NREP: variants seen among roughly 807,000 people sequenced by gnomAD.
NREP encodes the protein neuronal regeneration related protein.
In NREP, 5 loss-of-function variants were observed where a neutral mutation model predicts 8.6. The observed-to-expected ratio is 0.58, with a 90% CI of 0.30 to 1.22. The LOEUF is 1.22. Among genes scored for constraint, NREP ranks in the 50% most tolerant of loss-of-function variants. NREP has a pLI of 0.07. For synonymous variants in NREP, 27 were observed against 28.0 expected (o/e 0.96, Z 0.11); for missense variants, 86 against 82.5 (o/e 1.04, Z -0.17).
At chr5:111,887,186 G>T (rs1183395800) in intron 2 of NREP, among the ~76,000 whole-genome samples, 3 of 151,960 alleles carry the variant, frequency 2.0e-5, no homozygotes, top group African/African-American at 7.3e-5. Flanking sequence ...GGTCTCCCAA[G>T]GTGCTGAGAT....
chr5:111,874,285 T>G (rs1384475274), intron 2 of NREP, among the ~76,000 whole-genome samples: 2 of 152,196 alleles, frequency 1.3e-5, no homozygotes, highest in African/African-American at 4.8e-5. Context: ...GTGTGCTCTA[T>G]GGTAAAACTA....
intron 2 of NREP, among the ~76,000 whole-genome samples, chr5:111,793,339 A>G (rs1751795522): frequency 6.6e-6 from 1 of 152,098 alleles, no homozygotes; most frequent in Non-Finnish European, 1.5e-5. Flanking sequence ...TAGCAGTGTA[A>G]TTTAGTATGA....
chr5:111,847,825 TTTTA>T (rs1269807106), intron 2 of NREP, among the ~76,000 whole-genome samples: 2 of 152,162 alleles, frequency 1.3e-5, no homozygotes, highest in East Asian at 3.8e-4. Context: ...AATTCAAAGT[TTTTA>T]TTCATATCCA....
Position 111,730,621 on chromosome 5 carries a change from G to A in NREP, c.*300C>T, listed in dbSNP as rs1241780033. 4.8e-5 allele frequency: 11 copies of A among 228,774 alleles called. No individual in the cohort carries two copies. Among genetic ancestry groups the A allele is most frequent in the Non-Finnish European group, 6.8e-5 (8 of 117,218 alleles). 14.2% of individuals were successfully genotyped at this position (228,774 alleles called of 1,614,324 possible). A position where few individuals can be genotyped will look rare whatever the true frequency, so the allele number is the denominator to read the frequency against. On this transcript the variant is annotated 3_prime_UTR_variant, in exon 4 of 4. Coordinates refer to ENST00000257435, the MANE Select transcript of NREP (RefSeq NM_004772.4). ...GCAGGAGTGGACCGGTTGTGTGAGC[G>A]CGGTGGGAGTTTGAGTTGTGGAAGA...
intron 2 of NREP, among the ~76,000 whole-genome samples, chr5:111,948,256 T>G (rs573443704): frequency 6.6e-6 from 1 of 152,090 alleles, no homozygotes; most frequent in Non-Finnish European, 1.5e-5. Flanking sequence ...TTTTGGACAG[T>G]TTTGTATTTT....
chr5:111,953,490 T>C (rs1221093642), intron 2 of NREP, among the ~76,000 whole-genome samples: 1 of 152,158 alleles, frequency 6.6e-6, no homozygotes, highest in African/African-American at 2.4e-5. Context: ...ACCAAAAACT[T>C]CTTTCCAACT....
intron 2 of NREP, among the ~76,000 whole-genome samples, chr5:111,915,990 A>G (rs537402045): frequency 8.5e-5 from 13 of 152,222 alleles, no homozygotes; most frequent in African/African-American, 3.1e-4. Flanking sequence ...AAATGTGTTT[A>G]GGGCATCTGC....
At chr5:111,839,808 T>G (rs1460851997) in intron 2 of NREP, among the ~76,000 whole-genome samples, 2 of 152,130 alleles carry the variant, frequency 1.3e-5, no homozygotes, top group African/African-American at 4.8e-5. Context: ...TGTATTAATC[T>G]GCATAGTATT....
chr5:111,872,991 C>A (rs1753824187), intron 2 of NREP, among the ~76,000 whole-genome samples: 1 of 152,124 alleles, frequency 6.6e-6, no homozygotes, highest in South Asian at 2.1e-4. Context: ...ATAAGGCATT[C>A]CCATTGTTAT....
intron 2 of NREP, among the ~76,000 whole-genome samples, chr5:111,966,884 A>G (rs1184420677): frequency 2.0e-5 from 3 of 152,220 alleles, no homozygotes; most frequent in Non-Finnish European, 4.4e-5. Context: ...CAATGAACAG[A>G]AAATGCTGAA....
intron 2 of NREP, among the ~76,000 whole-genome samples, chr5:111,843,822 C>T (rs749542253): frequency 6.6e-6 from 1 of 152,152 alleles, no homozygotes; most frequent in Non-Finnish European, 1.5e-5. Context: ...TCTGGGTCCA[C>T]TGAGGCGTAT....
At chr5:111,968,747 T>A (rs1183719528) in intron 2 of NREP, among the ~76,000 whole-genome samples, 1 of 152,236 alleles carries the variant, frequency 6.6e-6, no homozygotes, top group African/African-American at 2.4e-5. Flanking sequence ...TCAGAACGTC[T>A]GGATCCCAGC....
intron 2 of NREP, among the ~76,000 whole-genome samples, chr5:111,794,374 T>C (rs1260494253): frequency 6.6e-6 from 1 of 152,212 alleles, no homozygotes; most frequent in East Asian, 1.9e-4. Flanking sequence ...CACAAGGATG[T>C]TCATATTAAC....
chr5:111,800,269 T>A (rs189095054), intron 2 of NREP, among the ~76,000 whole-genome samples: 1 of 152,290 alleles, frequency 6.6e-6, no homozygotes, highest in African/African-American at 2.4e-5. Flanking sequence ...AGAAAACTTA[T>A]TGGCATTTTC....
chr5:111,877,408 G>T (rs1490957040), intron 2 of NREP, among the ~76,000 whole-genome samples: 1 of 152,106 alleles, frequency 6.6e-6, no homozygotes, highest in Non-Finnish European at 1.5e-5. Context: ...GATTCTTGAG[G>T]TGTTTCTCCA....
chr5:111,876,636 C>G (rs17133843), intron 2 of NREP, among the ~76,000 whole-genome samples: 1 of 152,164 alleles, frequency 6.6e-6, no homozygotes, highest in African/African-American at 2.4e-5. Context: ...GAAAGACCAT[C>G]ATCATTCTCT....
chr5:111,807,858 A>G (rs1004677206), intron 2 of NREP, among the ~76,000 whole-genome samples: 2 of 152,200 alleles, frequency 1.3e-5, no homozygotes, highest in Non-Finnish European at 2.9e-5. Flanking sequence ...CATGAATGTT[A>G]ACCCACCAGC....
intron 2 of NREP, among the ~76,000 whole-genome samples, chr5:111,943,564 AAGCCAGTGCAGAC>A (rs1253881870): frequency 1.3e-5 from 2 of 152,078 alleles, no homozygotes; most frequent in East Asian, 3.9e-4. Context: ...CTGCACTGCG[AAGCCAGTGCAGAC>A]AAATCTGAAT....
In NREP at chr5:111,775,306, CA is replaced by C. The variant is rs201080380; in HGVS notation, c.136-39800del. Among the ~76,000 whole-genome samples the C allele has an allele frequency of 3.8e-3, 579 of 152,142 alleles. 4 individuals are homozygous for C. The highest frequency in any genetic ancestry group is 0.013 in the African/African-American group (549 of 41,510). On this transcript the variant is annotated intron_variant, in intron 2 of 3. Coordinates refer to the NREP transcript ENST00000395634. ...ATTTTATGGGATACTCCAAAATGAC[CA>C]AATCTTTAGGGAGCAGTGTGAAGTG...
Sources: allele counts gnomAD v4.1 joint callset (sites outside exome capture counted in the v4.1 genomes callset), GRCh38; gene constraint gnomAD v4.1.1; transcripts MANE v1.5; gene names NCBI Gene and HGNC (gene_info 2026-07-23, HGNC 2026-07-21).